Variants in IGF1 observed in about 807,000 individuals in gnomAD.
IGF1 encodes the protein insulin like growth factor 1.
IGF1 carries 4 observed loss-of-function variants against 13.8 expected under a neutral mutation model. The ratio of observed to expected loss-of-function variants is 0.29; its 90% confidence interval spans 0.14 to 0.66. IGF1 has a LOEUF of 0.66. IGF1 is among the 30% of genes least tolerant of loss of function. IGF1 has a pLI of 0.78. For missense variants in IGF1, 124 were observed against 188.5 expected (o/e 0.66, Z 2.00); for synonymous variants, 76 against 72.6 (o/e 1.05, Z -0.23).
chr12:102,407,093 CCAAAAAAAAAAAAAAAAAAAAAAAAA>C (rs1565961418), intron 3 of IGF1, among the ~76,000 whole-genome samples: 3 of 25,302 alleles, frequency 1.2e-4, no homozygotes, highest in African/African-American at 1.8e-4. Context: ...AACTCTGTCT[CCAAAAAAAAAAAAAAAAAAAAAAAAA>C]AAAAAAAAAA....
At chr12:102,473,103 G>A (rs1482080269) in intron 2 of IGF1, among the ~76,000 whole-genome samples, 2 of 152,148 alleles carry the variant, frequency 1.3e-5, no homozygotes, top group Non-Finnish European at 2.9e-5. Flanking sequence ...TAGCATCCAG[G>A]CTATGAGCTA....
intron 2 of IGF1, among the ~76,000 whole-genome samples, chr12:102,452,261 CAAAAAAAAA>C (rs538007224): frequency 3.1e-4 from 13 of 42,176 alleles, no homozygotes; most frequent in South Asian, 1.5e-3. Context: ...GACTCCGTCT[CAAAAAAAAA>C]AAAAAAAAAA....
chr12:102,467,537 C>T (rs1004616804), intron 2 of IGF1, among the ~76,000 whole-genome samples: 2 of 152,168 alleles, frequency 1.3e-5, no homozygotes, highest in East Asian at 3.8e-4. Context: ...CAAATTATGA[C>T]CTTAAGTGGA....
chr12:102,414,076 A>G (rs1874878905), intron 3 of IGF1, among the ~76,000 whole-genome samples: 1 of 152,220 alleles, frequency 6.6e-6, no homozygotes, highest in African/African-American at 2.4e-5. Context: ...TTCAGAGGTA[A>G]GTAAAATAAT....
intron 2 of IGF1, among the ~76,000 whole-genome samples, chr12:102,442,573 A>G (rs1877958712): frequency 6.6e-6 from 1 of 152,036 alleles, no homozygotes; most frequent in African/African-American, 2.4e-5. Context: ...CTCCTTTTTA[A>G]GCTCTGCTGA....
rs1199887342 is a variant in IGF1, at chr12:102,480,518, A to G, written c.-137T>C. Reference sequence around the variant, plus strand: ...GACTTTATTCCATTGCGCAGGCTCTATCTGCTCTGAATTTAGCAGTGACAG... The same window carrying G: ...GACTTTATTCCATTGCGCAGGCTCTGTCTGCTCTGAATTTAGCAGTGACAG... On this transcript the variant is annotated 5_prime_UTR_variant, in exon 1 of 4. Coordinates refer to ENST00000337514, the MANE Select transcript of IGF1 (RefSeq NM_000618.5). The G allele has an allele frequency of 1.3e-6, 2 of 1,526,626 alleles. No homozygotes were observed. The highest frequency in any genetic ancestry group is 1.4e-5 in the African/African-American group (1 of 72,930). The allele number at this position is 1,526,626 out of a possible 1,614,324, so 94.6% of individuals were successfully genotyped here.
rs942253499 is a variant in IGF1 at position 102,398,291 on chromosome 12, A to G, written c.*4216T>C. 1.3e-5 allele frequency: 2 copies of G among 152,640 alleles called. No individual in the cohort carries two copies. Among genetic ancestry groups the G allele is most frequent in the Admixed American group, 6.5e-5 (1 of 15,284 alleles). 9.5% of individuals were successfully genotyped at this position (152,640 alleles called of 1,614,324 possible). ...TTTGAGATGTCTGGGTGAAGGGAGA[A>G]TGTCTTCTATAAACCAGTAAATGCC... On this transcript the variant is annotated 3_prime_UTR_variant, in exon 4 of 4. Transcript: ENST00000337514.
At chr12:102,459,679 G>A (rs893841618) in intron 2 of IGF1, among the ~76,000 whole-genome samples, 7 of 152,142 alleles carry the variant, frequency 4.6e-5, no homozygotes, top group African/African-American at 1.4e-4. Flanking sequence ...ACTTGCTCTT[G>A]AGGAAATATC....
At chr12:102,462,637 G>A (rs1432364349) in intron 2 of IGF1, 2 of 152,194 alleles carry the variant, frequency 1.3e-5, no homozygotes, top group African/African-American at 4.8e-5. Context: ...CCCACAGACT[G>A]TCTAACTTAA....
chr12:102,447,283 T>C (rs1878440282), intron 2 of IGF1, among the ~76,000 whole-genome samples: 1 of 152,228 alleles, frequency 6.6e-6, no homozygotes, highest in African/African-American at 2.4e-5. Flanking sequence ...ATATCCTTGC[T>C]AATTTTCTGT....
At chr12:102,407,094 C>CAAAAAAAAAAAAAAAAAAAAAAAAA (rs57468885) in intron 3 of IGF1, among the ~76,000 whole-genome samples, 1 of 100,982 alleles carries the variant, frequency 9.9e-6, no homozygotes, top group Non-Finnish European at 1.9e-5. Flanking sequence ...ACTCTGTCTC[C>CAAAAAAAAAAAAAAAAAAAAAAAAA]AAAAAAAAAA....
chr12:102,448,852 C>T (rs1168069170), intron 2 of IGF1, among the ~76,000 whole-genome samples: 5 of 151,992 alleles, frequency 3.3e-5, no homozygotes, highest in African/African-American at 4.8e-5. Flanking sequence ...AATGAGATAC[C>T]ATCTCATGCC....
Position 102,402,509 on chromosome 12 carries a change from A to G in IGF1, c.460T>C (p.Ter154GlnextTer7). The G allele has an allele frequency of 1.3e-6, 1 of 780,878 alleles. No individual in the cohort carries two copies. Among genetic ancestry groups the G allele is most frequent in the East Asian group, 2.4e-5 (1 of 41,252 alleles). 48.4% of individuals were successfully genotyped at this position (780,878 alleles called of 1,614,324 possible). ...GSAGNKNYRM[*>Q] The stretch of plus-strand genomic sequence containing the variant: ...CTTCACTCCTCAGGAGGGTCTTCCT[A>G]CATCCTGTAGTTCTTGTTTCCTGCA... The change falls in exon 4 of 4, where the codon TAG becomes CAG. Residue 154 changes from the stop codon to glutamine (Q), a stop_lost. Coordinates refer to ENST00000337514, the MANE Select transcript of IGF1 (RefSeq NM_000618.5).
In IGF1 at chr12:102,398,442, A is replaced by G. The variant is rs1873405396; in HGVS notation, c.*4065T>C. On this transcript the variant is annotated 3_prime_UTR_variant, in exon 4 of 4. Coordinates refer to ENST00000337514, the MANE Select transcript of IGF1 (RefSeq NM_000618.5). ...TTTAGAGCAGAGTGCACAAAAATCA[A>G]TAAGGAACTTACTTATCTTTTAAAT... 1 of 152,208 alleles carries G rather than the reference A, an allele frequency of 6.6e-6. No individual in the cohort carries two copies. Among genetic ancestry groups the G allele is most frequent in the Admixed American group, 6.5e-5 (1 of 15,278 alleles). 9.4% of individuals were successfully genotyped at this position (152,208 alleles called of 1,614,324 possible).
intron 2 of IGF1, among the ~76,000 whole-genome samples, chr12:102,474,233 C>T (rs1419396537): frequency 6.6e-6 from 1 of 152,170 alleles, no homozygotes; most frequent in African/African-American, 2.4e-5. Flanking sequence ...AAATCACTCA[C>T]CCAATGCACT....
At chr12:102,455,186 C>T (rs933388963) in intron 2 of IGF1, among the ~76,000 whole-genome samples, 1 of 152,208 alleles carries the variant, frequency 6.6e-6, no homozygotes, top group Non-Finnish European at 1.5e-5. Context: ...AATGATCCTG[C>T]CTAGAACTTC....
chr12:102,406,125 T>C (rs1481932535), intron 3 of IGF1, among the ~76,000 whole-genome samples: 1 of 152,218 alleles, frequency 6.6e-6, no homozygotes, highest in Non-Finnish European at 1.5e-5. Flanking sequence ...TCAAACCAGC[T>C]GGGATATCGT....
intron 3 of IGF1, among the ~76,000 whole-genome samples, chr12:102,417,003 A>G (rs1875199869): frequency 6.6e-6 from 1 of 152,210 alleles, no homozygotes; most frequent in Admixed American, 6.5e-5. Context: ...CAGGGGGAGA[A>G]GAAGGAGGCC....
intron 2 of IGF1, among the ~76,000 whole-genome samples, chr12:102,421,704 C>T (rs534156061): frequency 6.6e-6 from 1 of 152,306 alleles, no homozygotes; most frequent in East Asian, 1.9e-4. Flanking sequence ...GCTCCAGAAA[C>T]TTTCAAAGTT....
Sources: allele counts gnomAD v4.1 joint callset (sites outside exome capture counted in the v4.1 genomes callset), GRCh38; gene constraint gnomAD v4.1.1; transcripts MANE v1.5; gene names NCBI Gene and HGNC (gene_info 2026-07-23, HGNC 2026-07-21).